The following CTNNA3 variants were observed in gnomAD, a reference collection of about 807,000 sequenced individuals.
The protein encoded by CTNNA3 is catenin alpha-3.
CTNNA3 carries 76 observed loss-of-function variants against 95.7 expected under a neutral mutation model. The observed-to-expected ratio is 0.79, with a 90% CI of 0.66 to 0.96. The LOEUF is 0.96. CTNNA3 is among the 40% of genes least tolerant of loss of function. The pLI, the probability that CTNNA3 is intolerant of heterozygous loss-of-function variation, is 0.00. For missense variants in CTNNA3, 1,191 were observed against 1,089.8 expected, an observed-to-expected ratio of 1.09 and a Z score of -1.31; for synonymous variants, 431 against 374.4, an observed-to-expected ratio of 1.15 and a Z score of -1.74.
chr10:67,013,274 T>C (rs1423089082), intron 7 of CTNNA3, among the ~76,000 whole-genome samples: 3 of 151,574 alleles, frequency 2.0e-5, no homozygotes, highest in African/African-American at 7.3e-5. Flanking sequence ...TAAAATTCTC[T>C]ACCATTCAAA....
At chr10:67,006,951 G>A (rs1054056067) in intron 7 of CTNNA3, among the ~76,000 whole-genome samples, 15 of 151,926 alleles carry the variant, frequency 9.9e-5, no homozygotes, top group Non-Finnish European at 1.3e-4. Context: ...GTGCCACCAC[G>A]TCCAGCTAAT....
At chr10:66,259,566 C>T (rs2090919272) in intron 13 of CTNNA3, among the ~76,000 whole-genome samples, 1 of 152,140 alleles carries the variant, frequency 6.6e-6, no homozygotes, top group Non-Finnish European at 1.5e-5. Context: ...TACATAACTT[C>T]ACCCTGCACT....
At chr10:67,429,323 C>A (rs564305917) in intron 5 of CTNNA3, among the ~76,000 whole-genome samples, 2 of 152,054 alleles carry the variant, frequency 1.3e-5, no homozygotes, top group South Asian at 2.1e-4. Flanking sequence ...TATTTTACAT[C>A]TTTTTTATAA....
At chr10:66,748,302 T>C (rs566046718) in intron 9 of CTNNA3, among the ~76,000 whole-genome samples, 1 of 152,338 alleles carries the variant, frequency 6.6e-6, no homozygotes, top group East Asian at 1.9e-4. Flanking sequence ...CAAGGTTACC[T>C]TTTTTAAAAA....
intron 1 of CTNNA3, among the ~76,000 whole-genome samples, chr10:67,727,489 T>C (rs1841242947): frequency 7.6e-6 from 1 of 132,280 alleles, no homozygotes; most frequent in African/African-American, 2.7e-5. Flanking sequence ...ATATATTATA[T>C]TAAACATAAT....
intron 12 of CTNNA3, among the ~76,000 whole-genome samples, chr10:66,283,955 G>A (rs1436272127): frequency 6.6e-6 from 1 of 151,742 alleles, no homozygotes; most frequent in East Asian, 1.9e-4. Flanking sequence ...CAGAAAATGA[G>A]GTTTAGACAT....
chr10:66,269,213 T>C (rs911135155), intron 13 of CTNNA3, among the ~76,000 whole-genome samples: 6 of 152,184 alleles, frequency 3.9e-5, no homozygotes, highest in African/African-American at 9.7e-5. Flanking sequence ...CTACATGACT[T>C]ACATAGGGTT....
At position 66,687,502 on chromosome 10, in the gene CTNNA3, A is replaced by G. The variant is rs143534620; in HGVS notation, c.1282-65718T>C. ...AGAAATCTTTGTTTTGTTTACTAAT[A>G]TATACCTTATACTACTAAGTAAATC... On this transcript the variant is annotated intron_variant, in intron 9 of 17. Transcript: ENST00000433211. 4.9e-4 allele frequency among the ~76,000 whole-genome samples: 74 copies of G among 152,270 alleles called. No homozygotes were observed. In the East Asian group the frequency reaches 0.014, roughly 29 times the overall value.
chr10:65,960,545 AG>A lies in CTNNA3; in HGVS notation c.2400+6066del, dbSNP rs1262226094. Among the ~76,000 whole-genome samples the A allele has an allele frequency of 2.8e-4, 43 of 152,256 alleles. 1 individual carries two copies. Among genetic ancestry groups the A allele is most frequent in the African/African-American group, 1.0e-3 (43 of 41,568 alleles). ...GTCTCAACAACAAAAAAAAAGATTC[AG>A]GGGGTACATGTGCAGTTTTGTTACA... On this transcript the variant is annotated intron_variant, in intron 17 of 17. Coordinates refer to ENST00000433211, the MANE Select transcript of CTNNA3 (RefSeq NM_013266.4).
chr10:66,923,982 T>A (rs1268504897), intron 7 of CTNNA3, among the ~76,000 whole-genome samples: 1 of 152,242 alleles, frequency 6.6e-6, no homozygotes, highest in African/African-American at 2.4e-5. Context: ...GGAACTTACA[T>A]CTCAGTATTA....
chr10:66,603,753 T>C (rs181842033), intron 10 of CTNNA3, among the ~76,000 whole-genome samples: 41 of 152,196 alleles, frequency 2.7e-4, no homozygotes, highest in Non-Finnish European at 2.6e-4. Flanking sequence ...TGGAACAGAA[T>C]AGAGAATACA....
chr10:67,156,879 A>G (rs2132078781), intron 7 of CTNNA3, among the ~76,000 whole-genome samples: 1 of 127,230 alleles, frequency 7.9e-6, no homozygotes, highest in South Asian at 2.7e-4. Context: ...TACTGAAAGT[A>G]GGATAGTAAA....
chr10:66,633,734 C>T (rs1845237512), intron 9 of CTNNA3, among the ~76,000 whole-genome samples: 1 of 152,076 alleles, frequency 6.6e-6, no homozygotes, highest in Non-Finnish European at 1.5e-5. Flanking sequence ...ATAATGTCCA[C>T]AGTGATAATT....
At chr10:67,092,939 C>T (rs912764531) in intron 7 of CTNNA3, among the ~76,000 whole-genome samples, 3 of 151,940 alleles carry the variant, frequency 2.0e-5, no homozygotes, top group East Asian at 1.9e-4. Context: ...TAGCATATAA[C>T]GATTTTCTTA....
intron 6 of CTNNA3, among the ~76,000 whole-genome samples, chr10:67,216,511 C>T (rs985545832): frequency 5.3e-5 from 8 of 152,144 alleles, no homozygotes; most frequent in African/African-American, 1.9e-4. Flanking sequence ...AATGGCATGC[C>T]GTATTATTGC....
chr10:67,488,165 G>A (rs1848518941), intron 5 of CTNNA3, among the ~76,000 whole-genome samples: 2 of 152,196 alleles, frequency 1.3e-5, no homozygotes, highest in Admixed American at 6.5e-5. Context: ...AGGAGAGGAA[G>A]GGAAAGACAG....
chr10:65,980,667 C>A (rs535900816), intron 16 of CTNNA3, among the ~76,000 whole-genome samples: 1 of 151,818 alleles, frequency 6.6e-6, no homozygotes, highest in South Asian at 2.1e-4. Flanking sequence ...GGGGTTCATA[C>A]CAGGGATGAA....
Position 66,141,756 on chromosome 10 carries a change from T to C in CTNNA3, c.1885-38507A>G, listed in dbSNP as rs539592167. ...AAATAACAGCACATATAAGAGAGGT[T>C]GACTTAAAATTGTACTTAGAGAGTC... is the stretch of plus-strand genomic sequence containing the variant. On this transcript the variant is annotated intron_variant, in intron 13 of 17. Transcript: ENST00000433211. Among the ~76,000 whole-genome samples the C allele has an allele frequency of 2.0e-5, 3 of 152,348 alleles. No individual in the cohort carries two copies. In the East Asian group the frequency reaches 5.8e-4, roughly 29 times the overall value.
intron 10 of CTNNA3, among the ~76,000 whole-genome samples, chr10:66,547,633 C>T (rs1169871454): frequency 6.6e-6 from 1 of 151,624 alleles, no homozygotes; most frequent in Non-Finnish European, 1.5e-5. Flanking sequence ...TGAGCCACTG[C>T]ACCCAGCCTG....
Sources: allele counts gnomAD v4.1 joint callset (sites outside exome capture counted in the v4.1 genomes callset), GRCh38; gene constraint gnomAD v4.1.1; transcripts MANE v1.5; gene names NCBI Gene and HGNC (gene_info 2026-07-23, HGNC 2026-07-21).